Variants in MAST4 observed in about 807,000 individuals in gnomAD.
The protein encoded by MAST4 is microtubule associated serine/threonine kinase family member 4.
MAST4 carries 89 observed loss-of-function variants against 162.7 expected under a neutral mutation model. The ratio of observed to expected loss-of-function variants is 0.55; its 90% CI spans 0.46 to 0.65. The LOEUF is 0.65. MAST4 is among the 30% of genes least tolerant of loss of function. The pLI, the probability that MAST4 is intolerant of heterozygous loss-of-function variation, is 0.00. For synonymous variants in MAST4, 1,479 were observed against 1,361.1 expected, an observed-to-expected ratio of 1.09 and a Z score of -1.91; for missense variants, 3,153 against 3,374.0, an observed-to-expected ratio of 0.93 and a Z score of 1.62.
chr5:66,909,640 G>A (rs1763612002), intron 4 of MAST4, among the ~76,000 whole-genome samples: 1 of 152,172 alleles, frequency 6.6e-6, no homozygotes, highest in Admixed American at 6.5e-5. Context: ...CCCAGGGACT[G>A]GCAAGCAGCC....
At chr5:66,988,169 T>G (rs1749717211) in intron 4 of MAST4, among the ~76,000 whole-genome samples, 1 of 152,196 alleles carries the variant, frequency 6.6e-6, no homozygotes, top group Admixed American at 6.5e-5. Context: ...GGGAAGAGAC[T>G]CTAGTATTTA....
At chr5:66,854,133 G>A (rs1759507334) in intron 3 of MAST4, among the ~76,000 whole-genome samples, 1 of 152,086 alleles carries the variant, frequency 6.6e-6, no homozygotes, top group Admixed American at 6.6e-5. Flanking sequence ...AGGATTGCAG[G>A]TGTAAACCAC....
At chr5:67,050,601 G>A (rs548762969) in intron 4 of MAST4, among the ~76,000 whole-genome samples, 2 of 152,294 alleles carry the variant, frequency 1.3e-5, no homozygotes, top group African/African-American at 4.8e-5. Flanking sequence ...TTCCCAAGGA[G>A]GTACCAGATA....
At chr5:66,974,735 G>A (rs1747909219) in intron 4 of MAST4, among the ~76,000 whole-genome samples, 1 of 151,992 alleles carries the variant, frequency 6.6e-6, no homozygotes, top group Admixed American at 6.6e-5. Context: ...GTAGAGTAAG[G>A]GTTTTATTTT....
chr5:66,819,489 C>A (rs1470853304), intron 3 of MAST4, among the ~76,000 whole-genome samples: 1 of 152,110 alleles, frequency 6.6e-6, no homozygotes, highest in Non-Finnish European at 1.5e-5. Context: ...AGTCAGCTTG[C>A]ACAGGCGCTT....
At chr5:67,045,287 A>T (rs1757227665) in intron 4 of MAST4, among the ~76,000 whole-genome samples, 1 of 152,230 alleles carries the variant, frequency 6.6e-6, no homozygotes, top group Admixed American at 6.5e-5. Context: ...ATTCGAAGTT[A>T]TGTTGTGACC....
rs139476361 is a variant in MAST4, at chr5:66,823,790, C to T, written c.642+34996C>T. On this transcript the variant is annotated intron_variant, in intron 3 of 28. Transcript: ENST00000403625. ...GATTACAGGTGTGAACCATGGTGCC[C>T]GGCCGGCCATTGTTATTAATATTTA... Among the ~76,000 whole-genome samples the T allele has an allele frequency of 2.0e-3, 304 of 152,140 alleles. 1 individual carries two copies. The highest frequency in any genetic ancestry group is 6.9e-3 in the African/African-American group (285 of 41,504).
intron 3 of MAST4, among the ~76,000 whole-genome samples, chr5:66,840,946 G>C (rs756057715): frequency 3.9e-5 from 6 of 152,126 alleles, no homozygotes; most frequent in Non-Finnish European, 8.8e-5. Context: ...ATATGTTGTG[G>C]TTAAGAGCAC....
chr5:66,747,835 C>G (rs1357640936), intron 1 of MAST4, among the ~76,000 whole-genome samples: 1 of 152,210 alleles, frequency 6.6e-6, no homozygotes, highest in Non-Finnish European at 1.5e-5. Context: ...GGCCTGTAGC[C>G]AACCCAAGTT....
chr5:66,876,008 C>A (rs1241681883), intron 3 of MAST4, among the ~76,000 whole-genome samples: 1 of 152,152 alleles, frequency 6.6e-6, no homozygotes, highest in East Asian at 1.9e-4. Flanking sequence ...GTCAAGCAAT[C>A]CTCCTGCCTT....
intron 3 of MAST4, among the ~76,000 whole-genome samples, chr5:66,845,709 A>G (rs557577117): frequency 1.3e-5 from 2 of 152,222 alleles, no homozygotes; most frequent in South Asian, 4.1e-4. Context: ...ACAATGGTTG[A>G]ACTAGTTTAC....
intron 26 of MAST4, among the ~76,000 whole-genome samples, chr5:67,156,944 TCA>T (rs1772610068): frequency 6.6e-6 from 1 of 152,260 alleles, no homozygotes; most frequent in Admixed American, 6.5e-5. Flanking sequence ...ATAATTTTCT[TCA>T]CACTGTGCAC....
intron 3 of MAST4, among the ~76,000 whole-genome samples, chr5:66,889,649 C>G (rs976936179): frequency 1.3e-5 from 2 of 152,074 alleles, no homozygotes; most frequent in South Asian, 2.1e-4. Context: ...TTTATTGAGT[C>G]GGTGCTGTCT....
intron 3 of MAST4, among the ~76,000 whole-genome samples, chr5:66,799,915 A>G (rs1755833493): frequency 6.6e-6 from 1 of 152,124 alleles, no homozygotes; most frequent in Non-Finnish European, 1.5e-5. Flanking sequence ...TACCTATCTC[A>G]TGTCATTGTT....
At chr5:66,910,729 GTTTTTTTTTTTCTT>G (rs527937970) in intron 4 of MAST4, among the ~76,000 whole-genome samples, 63,476 of 112,272 alleles carry the variant, frequency 0.57, 17,778 homozygotes, top group Middle Eastern at 0.67. Context: ...TACACATGTG[GTTTTTTTTTTTCTT>G]TTTTTTTTTT....
chr5:66,758,468 G>A (rs1561311089), intron 1 of MAST4, among the ~76,000 whole-genome samples: 1 of 151,440 alleles, frequency 6.6e-6, no homozygotes, highest in African/African-American at 2.4e-5. Context: ...TCATGCTGGA[G>A]TGCAGTGCTG....
At chr5:67,008,199 G>A (rs1190511870) in intron 4 of MAST4, among the ~76,000 whole-genome samples, 1 of 152,200 alleles carries the variant, frequency 6.6e-6, no homozygotes, top group African/African-American at 2.4e-5. Context: ...AGAAACCTAG[G>A]CATAAATGAA....
chr5:66,963,811 C>T, intron 4 of MAST4: 3 of 779,310 alleles, frequency 3.8e-6, no homozygotes, highest in Non-Finnish European at 7.2e-6. Context: ...AGGGCCTGCC[C>T]AGGGCTGCTT....
At chr5:66,629,050 ATGT>A (rs1301358073) in intron 1 of MAST4, among the ~76,000 whole-genome samples, 1 of 152,182 alleles carries the variant, frequency 6.6e-6, no homozygotes, top group Admixed American at 6.6e-5. Context: ...GCAGATATTG[ATGT>A]TGTCCACTTC....
Sources: allele counts gnomAD v4.1 joint callset (sites outside exome capture counted in the v4.1 genomes callset), GRCh38; gene constraint gnomAD v4.1.1; transcripts MANE v1.5; gene names NCBI Gene and HGNC (gene_info 2026-07-23, HGNC 2026-07-21).